Variants in DTNA observed in about 807,000 individuals in gnomAD.
DTNA encodes the protein dystrophin-related protein 3.
Under a neutral mutation model 100.7 loss-of-function variants are expected in DTNA, and 43 were observed. The observed-to-expected ratio is 0.43, with a 90% CI of 0.33 to 0.55. DTNA has a LOEUF of 0.55. Ranked by LOEUF, DTNA falls within the 20% of genes least tolerant of loss-of-function variation. The pLI is 0.04. For missense variants in DTNA, 798 were observed against 953.9 expected (o/e 0.84, Z 2.15); for synonymous variants, 349 against 347.9 (o/e 1.00, Z -0.04).
intron 8 of DTNA, among the ~76,000 whole-genome samples, chr18:34,819,655 A>G (rs1410882230): frequency 1.3e-5 from 2 of 152,136 alleles, no homozygotes; most frequent in African/African-American, 4.8e-5. Flanking sequence ...ACCTAACATT[A>G]TATTCCAGGG....
At chr18:34,532,305 G>A (rs1367422292) in intron 1 of DTNA, among the ~76,000 whole-genome samples, 1 of 152,120 alleles carries the variant, frequency 6.6e-6, no homozygotes, top group East Asian at 1.9e-4. Context: ...TGGGGAAGAA[G>A]GCCACTCTAG....
chr18:34,674,190 T>C (rs1056317579), intron 1 of DTNA, among the ~76,000 whole-genome samples: 3 of 152,212 alleles, frequency 2.0e-5, no homozygotes, highest in Admixed American at 2.0e-4. Flanking sequence ...GGGCCCAGAA[T>C]CCCTAATGGG....
intron 1 of DTNA, among the ~76,000 whole-genome samples, chr18:34,533,443 G>A (rs2043357551): frequency 6.6e-6 from 1 of 151,604 alleles, no homozygotes; most frequent in Admixed American, 6.6e-5. Flanking sequence ...AGTGTCTGAT[G>A]TCTTCTACAC....
At position 34,601,870 on chromosome 18, in the gene DTNA, T is replaced by G. The variant is rs182285375; in HGVS notation, c.-2+108356T>G. 4.8e-4 allele frequency among the ~76,000 whole-genome samples: 73 copies of G among 152,318 alleles called. 2 individuals are homozygous for G. In the East Asian group the frequency reaches 7.5e-3, roughly 16 times the overall value. On this transcript the variant is annotated intron_variant, in intron 1 of 19. Coordinates refer to the DTNA transcript ENST00000283365. Reference sequence around the variant, plus strand: ...ACAGTTTTGGGAAGTGTAAGGAGACTCCGTTGGGGCAATTCCTACAGAATG... The same window carrying G: ...ACAGTTTTGGGAAGTGTAAGGAGACGCCGTTGGGGCAATTCCTACAGAATG...
intron 1 of DTNA, among the ~76,000 whole-genome samples, chr18:34,688,119 T>C (rs2079175450): frequency 6.6e-6 from 1 of 152,228 alleles, no homozygotes; most frequent in Non-Finnish European, 1.5e-5. Context: ...TGCCTTTTCA[T>C]TGGAGCATTT....
At chr18:34,712,027 C>A (rs1189524534) in intron 1 of DTNA, among the ~76,000 whole-genome samples, 3 of 151,816 alleles carry the variant, frequency 2.0e-5, no homozygotes, top group African/African-American at 4.8e-5. Flanking sequence ...TAGGGAGTTT[C>A]TAAAAATCAG....
chr18:34,889,174 A>T lies in DTNA; in HGVS notation c.*1440A>T. 5 of 985,478 alleles carry T rather than the reference A, an allele frequency of 5.1e-6. No homozygotes were observed. Among genetic ancestry groups the T allele is most frequent in the Non-Finnish European group, 6.0e-6 (5 of 829,946 alleles). The allele number at this position is 985,478 out of a possible 1,614,324, so 61.0% of individuals were successfully genotyped here. ...GACCTATTCAATACATTATGCTTAA[A>T]TTAGCAGTTTCTCTGGAATTCCTGT... On this transcript the variant is annotated 3_prime_UTR_variant, in exon 23 of 23. Transcript: ENST00000444659.
At chr18:34,782,432 A>T (rs760738980) in intron 3 of DTNA, among the ~76,000 whole-genome samples, 2 of 152,204 alleles carry the variant, frequency 1.3e-5, no homozygotes, top group African/African-American at 4.8e-5. Flanking sequence ...TAAAACATTC[A>T]GGAAAAAACT....
At chr18:34,558,642 G>T (rs2146169812) in intron 1 of DTNA, among the ~76,000 whole-genome samples, 1 of 152,266 alleles carries the variant, frequency 6.6e-6, no homozygotes, top group East Asian at 1.9e-4. Context: ...GGAGTAGGCT[G>T]GGAATAGGAA....
Position 34,887,746 on chromosome 18 carries a change from TAC to T in DTNA, c.*32-16_*32-15del, listed in dbSNP as rs2096936143. 1.0e-6 allele frequency: 1 copy of T among 985,320 alleles called. No individual in the cohort carries two copies. Among genetic ancestry groups the T allele is most frequent in the Non-Finnish European group, 1.2e-6 (1 of 829,954 alleles). The allele number at this position is 985,320 out of a possible 1,614,324, so 61.0% of individuals were successfully genotyped here. A position where few individuals can be genotyped will look rare whatever the true frequency, so the allele number is the denominator to read the frequency against. ...AACAATTTGCATCTTTAAAAAAAAT[TAC>T]ACATTCCTTATTCCCAGGCAAGCTA... On this transcript the variant is annotated intron_variant, in intron 22 of 22. Transcript: ENST00000444659.
rs183137910 is a variant in DTNA at position 34,889,483 on chromosome 18, G to A, written c.*1749G>A. On this transcript the variant is annotated 3_prime_UTR_variant, in exon 23 of 23. Transcript: ENST00000444659. Reference sequence around the variant, plus strand: ...GGCCTTATTCAGAATAAGCAAGAAAGGTTCTGTGATTCACTTTTGCTTCTG... The same window carrying A: ...GGCCTTATTCAGAATAAGCAAGAAAAGTTCTGTGATTCACTTTTGCTTCTG... The A allele has an allele frequency of 1.1e-4, 113 of 985,368 alleles. No homozygotes were observed. In the African/African-American group the frequency reaches 1.8e-3, roughly 15 times the overall value. The allele number at this position is 985,368 out of a possible 1,614,324, so 61.0% of individuals were successfully genotyped here.
At chr18:34,627,006 T>C (rs2057408280) in intron 1 of DTNA, among the ~76,000 whole-genome samples, 1 of 152,208 alleles carries the variant, frequency 6.6e-6, no homozygotes, top group South Asian at 2.1e-4. Context: ...TCCTTCCCAC[T>C]GACTCACAAT....
At chr18:34,663,944 T>A (rs1004972428) in intron 1 of DTNA, among the ~76,000 whole-genome samples, 34 of 152,180 alleles carry the variant, frequency 2.2e-4, no homozygotes, top group African/African-American at 3.1e-4. Flanking sequence ...TAGATTTTTT[T>A]AAAAACTATA....
intron 3 of DTNA, among the ~76,000 whole-genome samples, chr18:34,766,995 C>T (rs1010827452): frequency 6.6e-6 from 1 of 151,892 alleles, no homozygotes; most frequent in Non-Finnish European, 1.5e-5. Flanking sequence ...TCTGCTGGGT[C>T]AACACTTCCA....
chr18:34,630,149 A>AT (rs757030677), intron 1 of DTNA, among the ~76,000 whole-genome samples: 13 of 150,960 alleles, frequency 8.6e-5, no homozygotes, highest in Admixed American at 2.0e-4. Context: ...AAGCCAGTAC[A>AT]TTTTTTTTTA....
chr18:34,674,467 C>T (rs1396080470), intron 1 of DTNA, among the ~76,000 whole-genome samples: 3 of 152,134 alleles, frequency 2.0e-5, no homozygotes, highest in South Asian at 2.1e-4. Context: ...CAAAAAGGCC[C>T]ATTTGCCAGC....
At chr18:34,605,241 A>G (rs1369926629) in intron 1 of DTNA, among the ~76,000 whole-genome samples, 2 of 152,062 alleles carry the variant, frequency 1.3e-5, no homozygotes, top group African/African-American at 4.8e-5. Context: ...GTGGTCTTTG[A>G]GGGTTTAGAA....
Position 34,838,243 on chromosome 18 carries a change from A to C in DTNA, c.1253+72A>C, listed in dbSNP as rs1442614238. The C allele has an allele frequency of 2.6e-6, 4 of 1,537,286 alleles. No individual in the cohort carries two copies. The East Asian group carries it at 9.1e-5, about 35-fold the overall frequency. ...AAAATGGAGATTTCTTTTGTCAAAAATGCTTTGTGTGTGAAAGACTGTCTT... is the reference window on the plus strand; with the variant it reads ...AAAATGGAGATTTCTTTTGTCAAAACTGCTTTGTGTGTGAAAGACTGTCTT... On this transcript the variant is annotated intron_variant, in intron 12 of 22. Transcript: ENST00000444659.
chr18:34,748,089 G>A (rs1252585147), intron 1 of DTNA, among the ~76,000 whole-genome samples: 1 of 151,964 alleles, frequency 6.6e-6, no homozygotes, highest in African/African-American at 2.4e-5. Context: ...ATGTTTGTTG[G>A]CCTTTTGTAT....
Sources: gnomAD v4.1 joint callset for allele counts (sites outside exome capture counted in the v4.1 genomes callset) on GRCh38, gnomAD v4.1.1 for gene constraint, MANE v1.5 for transcripts, NCBI Gene and HGNC (gene_info 2026-07-23, HGNC 2026-07-21) for gene names.